Variants in RALGAPA1 observed in about 807,000 individuals in gnomAD.
RALGAPA1 encodes Ral GTPase activating protein catalytic subunit alpha 1.
A neutral mutation model predicts 269.6 loss-of-function variants in RALGAPA1; 52 were observed. The ratio of observed to expected loss-of-function variants is 0.19; its 90% CI spans 0.15 to 0.24. The LOEUF is 0.24. Ranked by LOEUF, RALGAPA1 falls within the 10% of genes least tolerant of loss-of-function variation. The pLI is 1.00. For missense variants in RALGAPA1, 1,917 were observed against 3,013.9 expected, an observed-to-expected ratio of 0.64 and a Z score of 8.52; for synonymous variants, 817 against 1,008.3, an observed-to-expected ratio of 0.81 and a Z score of 3.60.
chr14:35,629,992 C>A (rs1459790401), intron 33 of RALGAPA1, among the ~76,000 whole-genome samples: 1 of 151,844 alleles, frequency 6.6e-6, no homozygotes, highest in African/African-American at 2.4e-5. Context: ...AAAAGGGAGA[C>A]CAGTTTGTGC....
chr14:35,551,351 T>C (rs1313489545), intron 39 of RALGAPA1, among the ~76,000 whole-genome samples: 1 of 152,186 alleles, frequency 6.6e-6, no homozygotes, highest in Non-Finnish European at 1.5e-5. Context: ...TGTTAACTTA[T>C]CACTCTATGC....
chr14:35,781,955 T>C (rs1251014454), intron 1 of RALGAPA1, among the ~76,000 whole-genome samples: 1 of 152,160 alleles, frequency 6.6e-6, no homozygotes, highest in East Asian at 1.9e-4. Flanking sequence ...TTATTTAATA[T>C]TATACTGTAA....
Position 35,627,914 on chromosome 14 carries a change from T to A in RALGAPA1, c.6033A>T (p.Ala2011=), listed in dbSNP as rs757870056. The A allele has an allele frequency of 6.5e-7, 1 of 1,549,708 alleles. No individual in the cohort carries two copies. The highest frequency in any genetic ancestry group is 2.1e-5 in the Admixed American group (1 of 48,426). Residue 2011 remains alanine (A), a synonymous_variant, in exon 34 of 42, where the codon GCA becomes GCT. Coordinates refer to ENST00000680220, the MANE Select transcript of RALGAPA1 (RefSeq NM_001346249.2). ...TQMQHGLISI[A]ARTVITHLVN... is the part of the protein sequence containing the mutation. The stretch of plus-strand genomic sequence containing the variant: ...CCAGATGTGTAATAACAGTGCGGGC[T>A]GCTATAGAGATTAATCCATGCTGCA...
chr14:35,717,604 T>C (rs747102501), intron 16 of RALGAPA1, among the ~76,000 whole-genome samples: 1 of 152,138 alleles, frequency 6.6e-6, no homozygotes, highest in South Asian at 2.1e-4. Context: ...CTCTGCCTAG[T>C]GCAGTGGTAC....
At chr14:35,655,410 A>G (rs1051167353) in intron 29 of RALGAPA1, among the ~76,000 whole-genome samples, 2 of 152,138 alleles carry the variant, frequency 1.3e-5, no homozygotes. Flanking sequence ...ACATAACTTG[A>G]AAAGATAAAG....
At chr14:35,616,024 G>A (rs1329674997) in intron 35 of RALGAPA1, among the ~76,000 whole-genome samples, 1 of 152,078 alleles carries the variant, frequency 6.6e-6, no homozygotes, top group African/African-American at 2.4e-5. Flanking sequence ...GGAAAGAAGT[G>A]ATAAGGACAT....
chr14:35,600,072 G>A (rs1224055624), intron 36 of RALGAPA1, among the ~76,000 whole-genome samples: 1 of 149,402 alleles, frequency 6.7e-6, no homozygotes. Flanking sequence ...AGTATTTCCA[G>A]TACTTTTTCA....
At chr14:35,733,230 C>A (rs192887031) in intron 12 of RALGAPA1, among the ~76,000 whole-genome samples, 117 of 152,218 alleles carry the variant, frequency 7.7e-4, no homozygotes, top group African/African-American at 2.6e-3. Context: ...GTAATCCCAG[C>A]GCTTTGGGAG....
At chr14:35,661,496 T>C (rs968338304) in intron 27 of RALGAPA1, among the ~76,000 whole-genome samples, 28 of 151,886 alleles carry the variant, frequency 1.8e-4, no homozygotes, top group Non-Finnish European at 8.8e-5. Flanking sequence ...AAGAAGTAAA[T>C]CAAGATAGAT....
At chr14:35,654,061 G>A (rs1415430746) in intron 30 of RALGAPA1, among the ~76,000 whole-genome samples, 3 of 152,148 alleles carry the variant, frequency 2.0e-5, no homozygotes, top group Non-Finnish European at 2.9e-5. Flanking sequence ...TGGTCTCTAA[G>A]TCCTGGCCTC....
At chr14:35,669,355 A>G (rs2064212552) in intron 26 of RALGAPA1, among the ~76,000 whole-genome samples, 1 of 152,132 alleles carries the variant, frequency 6.6e-6, no homozygotes, top group South Asian at 2.1e-4. Context: ...CCTGGGTTCA[A>G]GCGATTCTCC....
rs139508519 is a variant in RALGAPA1, at chr14:35,796,186, G to A, written c.106+12544C>T. 5.3e-3 allele frequency among the ~76,000 whole-genome samples: 800 copies of A among 152,208 alleles called. 1 individual carries two copies. Among genetic ancestry groups the A allele is most frequent in the African/African-American group, 0.018 (732 of 41,540 alleles). On this transcript the variant is annotated intron_variant, in intron 1 of 41. Transcript: ENST00000680220. ...GTTCAAAAAGTTAAGAAGACACATAGATGATATAAAACAAGACCCAAGATG... is the reference window on the plus strand; with the variant it reads ...GTTCAAAAAGTTAAGAAGACACATAAATGATATAAAACAAGACCCAAGATG...
intron 37 of RALGAPA1, among the ~76,000 whole-genome samples, chr14:35,580,983 T>C (rs1029094240): frequency 6.6e-6 from 1 of 151,424 alleles, no homozygotes; most frequent in African/African-American, 2.5e-5. Context: ...TAAAGATATA[T>C]GTACAAAGGA....
At position 35,688,868 on chromosome 14, in the gene RALGAPA1, G is replaced by C; in HGVS notation, c.3543C>G (p.Leu1181=). 4 of 1,282,788 alleles carry C rather than the reference G, an allele frequency of 3.1e-6. No individual in the cohort carries two copies. Among genetic ancestry groups the C allele is most frequent in the South Asian group, 6.6e-5 (2 of 30,110 alleles). The allele number at this position is 1,282,788 out of a possible 1,614,324, so 79.5% of individuals were successfully genotyped here. A position where few individuals can be genotyped will look rare whatever the true frequency, so the allele number is the denominator to read the frequency against. ...EAPWKMRLRK[L]GGFSSGSSNS... ...TGCTGCTACCACTACTAAAGCCACC[G>C]AGCTTCCGCAGTCTCATCTTCCATG... Residue 1181 remains leucine (L), a synonymous_variant, in exon 18 of 42, where the codon CTC becomes CTG. Coordinates refer to ENST00000680220, the MANE Select transcript of RALGAPA1 (RefSeq NM_001346249.2).
At chr14:35,550,221 A>G (rs1304212727) in intron 39 of RALGAPA1, among the ~76,000 whole-genome samples, 1 of 152,192 alleles carries the variant, frequency 6.6e-6, no homozygotes, top group African/African-American at 2.4e-5. Context: ...GGAAAAACTC[A>G]CATGCTGACT....
chr14:35,618,254 A>C (rs1318876378), intron 35 of RALGAPA1, among the ~76,000 whole-genome samples: 1 of 152,194 alleles, frequency 6.6e-6, no homozygotes, highest in Admixed American at 6.5e-5. Flanking sequence ...GGTAAATCTA[A>C]CACAACGAGA....
intron 41 of RALGAPA1, among the ~76,000 whole-genome samples, chr14:35,544,429 C>G (rs2054277356): frequency 6.6e-6 from 1 of 152,140 alleles, no homozygotes; most frequent in Non-Finnish European, 1.5e-5. Context: ...TGACAAAGTA[C>G]CAGGTGACTC....
At chr14:35,607,124 T>C (rs1348201624) in intron 35 of RALGAPA1, among the ~76,000 whole-genome samples, 1 of 152,218 alleles carries the variant, frequency 6.6e-6, no homozygotes, top group Non-Finnish European at 1.5e-5. Context: ...AAAGTCCCTG[T>C]ATATTGTCCT....
Position 35,595,674 on chromosome 14 carries a change from G to T in RALGAPA1, c.7169C>A (p.Thr2390Lys). 6.2e-7 allele frequency: 1 copy of T among 1,612,442 alleles called. No individual in the cohort carries two copies. Among genetic ancestry groups the T allele is most frequent in the Non-Finnish European group, 8.5e-7 (1 of 1,179,112 alleles). ...STVEVIFHVS[T>K]RMPSDSDDSL... is the part of the protein sequence containing the mutation. Reference sequence around the variant, plus strand: ...ATCATCAGAATCAGAAGGCATTCTTGTTGACACGTGAAATATTACCTCTAC... The same window carrying T: ...ATCATCAGAATCAGAAGGCATTCTTTTTGACACGTGAAATATTACCTCTAC... The change falls in exon 37 of 42, where the codon ACA (threonine) becomes AAA (lysine). Residue 2390 changes from threonine (T) to lysine (K), a missense_variant. Transcript: ENST00000680220.
Sources: allele counts gnomAD v4.1 joint callset (sites outside exome capture counted in the v4.1 genomes callset), GRCh38; gene constraint gnomAD v4.1.1; transcripts MANE v1.5; gene names NCBI Gene and HGNC (gene_info 2026-07-23, HGNC 2026-07-21).